Variants in MAD1L1 observed in about 807,000 individuals in gnomAD.
The protein encoded by MAD1L1 is mitotic arrest deficient 1 like 1.
MAD1L1 carries 95 observed loss-of-function variants against 96.9 expected under a neutral mutation model. The ratio of observed to expected loss-of-function variants is 0.98; its 90% CI spans 0.83 to 1.16. The LOEUF (loss-of-function observed/expected upper bound fraction) is 1.16. MAD1L1 is among the 50% of genes most tolerant of loss of function. MAD1L1 has a pLI of 0.00. For missense variants in MAD1L1, 1,007 were observed against 954.4 expected (o/e 1.06, Z -0.73); for synonymous variants, 473 against 396.6 (o/e 1.19, Z -2.29).
intron 15 of MAD1L1, among the ~76,000 whole-genome samples, chr7:1,972,124 C>T (rs902945671): frequency 5.3e-5 from 8 of 152,328 alleles, no homozygotes; most frequent in East Asian, 1.9e-4. Flanking sequence ...TCTACTCCCA[C>T]GTGATCTGTC....
At chr7:1,983,906 A>C (rs543372398) in intron 14 of MAD1L1, among the ~76,000 whole-genome samples, 1 of 152,306 alleles carries the variant, frequency 6.6e-6, no homozygotes. Context: ...TATTATTTCT[A>C]CCATTTTTCA....
chr7:2,019,036 TC>T (rs1352569392), intron 12 of MAD1L1, among the ~76,000 whole-genome samples: 1 of 152,082 alleles, frequency 6.6e-6, no homozygotes, highest in African/African-American at 2.4e-5. Context: ...TAATTACCTC[TC>T]CCGACGCATG....
At chr7:1,887,935 ACG>A (rs1323920808) in intron 18 of MAD1L1, among the ~76,000 whole-genome samples, 17 of 136,810 alleles carry the variant, frequency 1.2e-4, no homozygotes, top group African/African-American at 3.2e-4. Context: ...CTGCCTGTGC[ACG>A]TGTGTGTATG....
At chr7:1,981,294 C>G (rs1197079144) in intron 14 of MAD1L1, among the ~76,000 whole-genome samples, 2 of 152,168 alleles carry the variant, frequency 1.3e-5, no homozygotes, top group African/African-American at 2.4e-5. Context: ...CTCGCCCCTA[C>G]ACACCTAGGG....
chr7:2,184,029 T>A (rs1791336841), intron 10 of MAD1L1, among the ~76,000 whole-genome samples: 2 of 152,022 alleles, frequency 1.3e-5, no homozygotes, highest in East Asian at 3.9e-4. Flanking sequence ...GGCGGGTGGA[T>A]CACGAGGTCA....
chr7:2,002,030 G>A (rs1781820130), intron 14 of MAD1L1, 35 bp downstream of exon 14: 2 of 1,609,952 alleles, frequency 1.2e-6, no homozygotes, highest in African/African-American at 1.3e-5. Flanking sequence ...GGGTCCAGGT[G>A]CCCTGAATCC....
intron 11 of MAD1L1, among the ~76,000 whole-genome samples, chr7:2,128,169 G>A (rs1220682356): frequency 6.6e-6 from 1 of 152,196 alleles, no homozygotes; most frequent in Non-Finnish European, 1.5e-5. Context: ...TTCTCATGAA[G>A]CCGGACAATT....
chr7:2,013,763 T>C (rs1212170653), intron 13 of MAD1L1, among the ~76,000 whole-genome samples: 1 of 152,086 alleles, frequency 6.6e-6, no homozygotes, highest in Non-Finnish European at 1.5e-5. Context: ...CTGGGAACGG[T>C]GTGCTAGGAG....
rs562619174 is a variant in MAD1L1, at chr7:1,896,083, G to A, written c.1998+2117C>T. The stretch of plus-strand genomic sequence containing the variant: ...GCTGTGTGTCCTTTAGGCCTGGGGC[G>A]AGCAGGGCTGGGGAGCTGGCCAGCT... On this transcript the variant is annotated intron_variant, in intron 18 of 18. Coordinates refer to ENST00000265854, the MANE Select transcript of MAD1L1 (RefSeq NM_001013836.2). Among the ~76,000 whole-genome samples the A allele has an allele frequency of 4.6e-5, 7 of 152,332 alleles. No individual in the cohort carries two copies. The South Asian group carries it at 1.0e-3, about 23-fold the overall frequency.
Position 1,885,899 on chromosome 7 carries a change from C to T in MAD1L1, c.1998+12301G>A, listed in dbSNP as rs371175283. Reference sequence around the variant, plus strand: ...GGGCAGGCAGACACCCCAGCAGGGACCCCTGCCCGGCATCTCTGGCCCCAG... The same window carrying T: ...GGGCAGGCAGACACCCCAGCAGGGATCCCTGCCCGGCATCTCTGGCCCCAG... On this transcript the variant is annotated intron_variant, in intron 18 of 18. Coordinates refer to ENST00000265854, the MANE Select transcript of MAD1L1 (RefSeq NM_001013836.2). Among the ~76,000 whole-genome samples, 188 of 152,360 alleles carry T rather than the reference C, an allele frequency of 1.2e-3. 2 individuals are homozygous for T. In the East Asian group the frequency reaches 0.027, roughly 22 times the overall value.
At chr7:1,906,272 A>G (rs1031797654) in intron 17 of MAD1L1, among the ~76,000 whole-genome samples, 1 of 152,108 alleles carries the variant, frequency 6.6e-6, no homozygotes, top group Non-Finnish European at 1.5e-5. Flanking sequence ...GTGTATGCCA[A>G]CACCGCTCCT....
chr7:1,828,335 G>A (rs1782534738), intron 18 of MAD1L1, among the ~76,000 whole-genome samples: 1 of 152,182 alleles, frequency 6.6e-6, no homozygotes. Flanking sequence ...TTGAGGGACA[G>A]GGCTGGAGCT....
chr7:2,168,937 G>A (rs1790573999), intron 10 of MAD1L1, among the ~76,000 whole-genome samples: 1 of 152,250 alleles, frequency 6.6e-6, no homozygotes, highest in South Asian at 2.1e-4. Context: ...TGAAGCGGGA[G>A]GAACACGCGC....
chr7:1,964,754 C>T (rs776689360), intron 15 of MAD1L1, among the ~76,000 whole-genome samples: 5 of 152,198 alleles, frequency 3.3e-5, no homozygotes, highest in African/African-American at 7.2e-5. Context: ...GGAGGGTAGC[C>T]GGGATCTTGC....
At chr7:2,110,907 T>C (rs183153880) in intron 11 of MAD1L1, among the ~76,000 whole-genome samples, 111 of 152,242 alleles carry the variant, frequency 7.3e-4, no homozygotes, top group Non-Finnish European at 1.4e-3. Context: ...GCCGAGGAGA[T>C]GACGGCGCGG....
chr7:2,229,271 C>T (rs1451792958), intron 3 of MAD1L1, among the ~76,000 whole-genome samples: 1 of 152,066 alleles, frequency 6.6e-6, no homozygotes, highest in African/African-American at 2.4e-5. Context: ...AGGGCCCAGG[C>T]AAGGCTGGAG....
intron 18 of MAD1L1, among the ~76,000 whole-genome samples, chr7:1,819,365 C>T (rs1481865474): frequency 6.6e-6 from 1 of 152,126 alleles, no homozygotes; most frequent in Non-Finnish European, 1.5e-5. Context: ...CTGTGGCTGG[C>T]GGGCGCCCTG....
intron 17 of MAD1L1, among the ~76,000 whole-genome samples, chr7:1,927,815 A>G (rs1003689053): frequency 6.6e-6 from 1 of 152,206 alleles, no homozygotes; most frequent in Non-Finnish European, 1.5e-5. Flanking sequence ...AAACCTGATC[A>G]TCAGCATGCA....
At chr7:2,161,949 G>A (rs1299920208) in intron 10 of MAD1L1, among the ~76,000 whole-genome samples, 3 of 141,504 alleles carry the variant, frequency 2.1e-5, no homozygotes, top group Non-Finnish European at 3.2e-5. Flanking sequence ...GCCCCCACCC[G>A]GCCAGCCACC....
Sources: allele counts gnomAD v4.1 joint callset (sites outside exome capture counted in the v4.1 genomes callset), GRCh38; gene constraint gnomAD v4.1.1; transcripts MANE v1.5; gene names NCBI Gene and HGNC (gene_info 2026-07-23, HGNC 2026-07-21).